Variants in ABHD6 observed in about 807,000 individuals in gnomAD.
The protein encoded by ABHD6 is abhydrolase domain containing 6, acylglycerol lipase, also known as monoacylglycerol lipase ABHD6.
In ABHD6, 33 loss-of-function variants were observed where a neutral mutation model predicts 38.8. That is an observed-to-expected ratio of 0.85 (90% confidence interval 0.64 to 1.14). The LOEUF (loss-of-function observed/expected upper bound fraction) is 1.14, where lower values mean the gene tolerates loss of function less well. Ranked by LOEUF, ABHD6 falls within the 50% of genes most tolerant of loss-of-function variation. The probability of loss-of-function intolerance (pLI) is 0.00; values close to 1 mark genes in which losing one functional copy is unlikely to be tolerated. For synonymous variants in ABHD6, 147 were observed against 161.6 expected (o/e 0.91, Z 0.69); for missense variants, 380 against 422.6 (o/e 0.90, Z 0.88).
chr3:58,274,562 T>C (rs994207995), intron 6 of ABHD6, 96 bp from the exon 7 acceptor site: 2 of 1,307,442 alleles, frequency 1.5e-6, no homozygotes, highest in South Asian at 1.5e-5. Context: ...ACCTGAAATA[T>C]ATTAACTCTG....
At chr3:58,290,492 G>A (rs1248048357) in intron 9 of ABHD6, among the ~76,000 whole-genome samples, 3 of 130,086 alleles carry the variant, frequency 2.3e-5, no homozygotes, top group South Asian at 5.6e-4. Context: ...CCTCCCTCCC[G>A]GACGGGGCGG....
intron 9 of ABHD6, among the ~76,000 whole-genome samples, chr3:58,290,066 C>G (rs1440782787): frequency 2.4e-5 from 3 of 126,494 alleles, no homozygotes; most frequent in African/African-American, 1.0e-4. Context: ...CCCTCCCGGA[C>G]GGGGCGGCTG....
At chr3:58,258,060 C>G (rs1324832962) in intron 3 of ABHD6, among the ~76,000 whole-genome samples, 1 of 152,160 alleles carries the variant, frequency 6.6e-6, no homozygotes, top group Non-Finnish European at 1.5e-5. Flanking sequence ...GTAATCCCAG[C>G]ATTTTGGGAG....
Position 58,256,685 on chromosome 3 carries a change from A to G in ABHD6, c.99A>G (p.Ala33=), listed in dbSNP as rs769892159. The part of the protein sequence containing the change: ...FVASFLLWPS[A]LIRIYYWYWR... ...CTTCATTTCTTCTGTGGCCTTCAGCACTGATAAGAATCTATTATTGGTAAG... is the reference window on the plus strand; with the variant it reads ...CTTCATTTCTTCTGTGGCCTTCAGCGCTGATAAGAATCTATTATTGGTAAG... The change falls in exon 3 of 10, where the codon GCA becomes GCG. Residue 33 remains alanine (A), a synonymous_variant. Coordinates refer to ENST00000478253, the MANE Select transcript of ABHD6 (RefSeq NM_001320126.2). This position sits in a 1 kb window ranked among gnomAD's most constrained non-coding sequence, Gnocchi z 4.3. 1.9e-6 allele frequency: 3 copies of G among 1,612,860 alleles called. No homozygotes were observed. Among genetic ancestry groups the G allele is most frequent in the Non-Finnish European group, 2.5e-6 (3 of 1,179,800 alleles).
At chr3:58,243,817 C>G (rs558659634) in intron 1 of ABHD6, among the ~76,000 whole-genome samples, 5 of 152,064 alleles carry the variant, frequency 3.3e-5, no homozygotes, top group South Asian at 2.1e-4. Flanking sequence ...TGTGCCACCA[C>G]GCCTGCCTAA....
intron 7 of ABHD6, among the ~76,000 whole-genome samples, chr3:58,280,238 GA>G (rs1404880390): frequency 6.6e-6 from 1 of 152,176 alleles, no homozygotes; most frequent in Non-Finnish European, 1.5e-5. Flanking sequence ...GTCAAACATA[GA>G]TTTGGTATTT....
intron 1 of ABHD6, among the ~76,000 whole-genome samples, chr3:58,240,226 A>G (rs1183532268): frequency 6.6e-6 from 1 of 152,060 alleles, no homozygotes; most frequent in Non-Finnish European, 1.5e-5. Context: ...CAGCTTCACT[A>G]TGTCATATTC....
chr3:58,288,696 G>C (rs891735342), intron 9 of ABHD6, among the ~76,000 whole-genome samples: 2 of 152,140 alleles, frequency 1.3e-5, no homozygotes, highest in Admixed American at 6.5e-5. Context: ...AGGCCCTGAG[G>C]ATACAGTAGG....
rs1352539731 is a variant in ABHD6, at chr3:58,238,020, G to A, written c.-91+104G>A. ...CAGTGTCTCCCTGCAGCGGCGCATC[G>A]AGTGGAAAGAGTCGGCGATCTGCAC... On this transcript the variant is annotated intron_variant, in intron 1 of 9. Transcript: ENST00000478253. This position sits in a 1 kb window ranked among gnomAD's most constrained non-coding sequence, Gnocchi z 6.9. 6.6e-6 allele frequency: 1 copy of A among 152,280 alleles called. No individual in the cohort carries two copies. The highest frequency in any genetic ancestry group is 6.5e-5 in the Admixed American group (1 of 15,288). The allele number at this position is 152,280 out of a possible 1,614,324, so 9.4% of individuals were successfully genotyped here. A position where few individuals can be genotyped will look rare whatever the true frequency, so the allele number is the denominator to read the frequency against.
rs1213843116 is a variant in ABHD6, at chr3:58,256,903, T to C, written c.119+198T>C. On this transcript the variant is annotated intron_variant, in intron 3 of 9. Coordinates refer to ENST00000478253, the MANE Select transcript of ABHD6 (RefSeq NM_001320126.2). This position sits in a 1 kb window ranked among gnomAD's most constrained non-coding sequence, Gnocchi z 4.3. ...TACCAGATCAGTTCTTTCAGGTTTG[T>C]TTGTTTGTTTGTTTTTTGGAGACAG... Among the ~76,000 whole-genome samples, 1 of 152,106 alleles carries C rather than the reference T, an allele frequency of 6.6e-6. No individual in the cohort carries two copies. The highest frequency in any genetic ancestry group is 1.5e-5 in the Non-Finnish European group (1 of 68,028).
Position 58,294,362 on chromosome 3 carries a change from G to A in ABHD6, c.*597G>A, listed in dbSNP as rs6925. The A allele has an allele frequency of 0.52, 79,666 of 152,666 alleles. 22,342 individuals are homozygous for A. The highest frequency in any genetic ancestry group is 0.73 in the African/African-American group (30,453 of 41,504). 9.5% of individuals were successfully genotyped at this position (152,666 alleles called of 1,614,324 possible). On this transcript the variant is annotated 3_prime_UTR_variant, in exon 10 of 10. Coordinates refer to ENST00000478253, the MANE Select transcript of ABHD6 (RefSeq NM_001320126.2). ...CCCTCAGAGCGTCCGGAGCAGCAGG[G>A]TACATGGGTGGGAGGTTCATTCAGC...
chr3:58,242,028 A>G (rs761308404), intron 1 of ABHD6, among the ~76,000 whole-genome samples: 7 of 152,234 alleles, frequency 4.6e-5, no homozygotes, highest in Non-Finnish European at 7.3e-5. Flanking sequence ...GAGCATTTAC[A>G]GAGAGCGGCA....
At chr3:58,289,548 CG>C (rs1222612065) in intron 9 of ABHD6, among the ~76,000 whole-genome samples, 6 of 149,256 alleles carry the variant, frequency 4.0e-5, no homozygotes, top group Non-Finnish European at 5.9e-5. Context: ...CACAGGGTTG[CG>C]GGGTAAGGTC....
At chr3:58,283,899 T>A (rs1350849345) in intron 7 of ABHD6, among the ~76,000 whole-genome samples, 1 of 152,210 alleles carries the variant, frequency 6.6e-6, no homozygotes, top group East Asian at 1.9e-4. Context: ...TTCAACAAAT[T>A]GTCATTGTCC....
At chr3:58,282,076 A>G (rs946022450) in intron 7 of ABHD6, among the ~76,000 whole-genome samples, 1 of 152,228 alleles carries the variant, frequency 6.6e-6, no homozygotes, top group African/African-American at 2.4e-5. Flanking sequence ...GCTCTGAAAA[A>G]CAGTGTACTT....
intron 7 of ABHD6, among the ~76,000 whole-genome samples, chr3:58,280,209 A>G (rs1194602419): frequency 1.3e-5 from 2 of 152,142 alleles, no homozygotes; most frequent in African/African-American, 4.8e-5. Context: ...CATTCTTCCC[A>G]TCATTTCCAG....
intron 9 of ABHD6, among the ~76,000 whole-genome samples, chr3:58,290,407 GTA>G: frequency 8.0e-6 from 1 of 124,544 alleles, no homozygotes; most frequent in Non-Finnish European, 1.7e-5. Context: ...TCACTTCCCA[GTA>G]GGGGCGGCTG....
chr3:58,286,566 G>A (rs2097457160), intron 9 of ABHD6, among the ~76,000 whole-genome samples: 3 of 151,996 alleles, frequency 2.0e-5, no homozygotes, highest in Non-Finnish European at 2.9e-5. Flanking sequence ...TTGAGTAACT[G>A]TGACCTTATA....
rs2097441504 is a variant in ABHD6, at chr3:58,267,106, A to G, written c.120-83A>G. ...TTTGTGTTATCACTAAGGAAGACTT[A>G]TAGAGAGGACCTGTGCCCATCTTGA... On this transcript the variant is annotated intron_variant, in intron 3 of 9. Transcript: ENST00000478253. This position sits in a 1 kb window ranked among gnomAD's most constrained non-coding sequence, Gnocchi z 4.3. The G allele has an allele frequency of 1.4e-6, 2 of 1,439,562 alleles. No homozygotes were observed. The highest frequency in any genetic ancestry group is 2.3e-5 in the East Asian group (1 of 43,850). 89.2% of individuals were successfully genotyped at this position (1,439,562 alleles called of 1,614,324 possible).
Sources: allele counts gnomAD v4.1 joint callset (sites outside exome capture counted in the v4.1 genomes callset), GRCh38; gene constraint gnomAD v4.1.1; non-coding constraint Gnocchi (gnomAD v3.1); transcripts MANE v1.5; gene names NCBI Gene and HGNC (gene_info 2026-07-23, HGNC 2026-07-21).